HFM1: variants seen among roughly 807,000 people sequenced by gnomAD.
HFM1 encodes probable ATP-dependent DNA helicase HFM1.
HFM1 carries 169 observed loss-of-function variants against 192.1 expected under a neutral mutation model. The observed-to-expected ratio is 0.88, with a 90% CI of 0.78 to 1.00. The LOEUF (loss-of-function observed/expected upper bound fraction) is 1.00, where lower values mean the gene tolerates loss of function less well. Among genes scored for constraint, HFM1 ranks in the 50% least tolerant of loss-of-function variants. The probability of loss-of-function intolerance (pLI) is 0.00; values close to 1 mark genes in which losing one functional copy is unlikely to be tolerated. For missense variants in HFM1, 1,661 were observed against 1,668.0 expected (o/e 1.00, Z 0.07); for synonymous variants, 525 against 537.8 (o/e 0.98, Z 0.33).
intron 4 of HFM1, among the ~76,000 whole-genome samples, chr1:91,388,464 T>G (rs186721250): frequency 6.6e-6 from 1 of 152,206 alleles, no homozygotes; most frequent in East Asian, 1.9e-4. Flanking sequence ...TTATGGTCAG[T>G]TGATTTCCAA....
Position 91,396,323 on chromosome 1 carries a change from C to G in HFM1, c.154G>C (p.Glu52Gln). The G allele has an allele frequency of 1.3e-6, 2 of 1,589,714 alleles. No individual in the cohort carries two copies. The highest frequency in any genetic ancestry group is 4.5e-5 in the East Asian group (2 of 44,742). Reference sequence around the variant, plus strand: ...AGTTTATGACTTTCTAATTCTTCCTCTAACTCCTGAGTATCTGGAATTTCT... The same window carrying G: ...AGTTTATGACTTTCTAATTCTTCCTGTAACTCCTGAGTATCTGGAATTTCT... ...ISEIPDTQELEEELESHKLLG... is the reference protein window; with the variant it reads ...ISEIPDTQELQEELESHKLLG... Residue 52 changes from glutamate to glutamine, a missense_variant, in exon 3 of 39, where the codon GAG (glutamate) becomes CAG (glutamine). Transcript: ENST00000370425.
chr1:91,407,077 C>T (rs1315929228), upstream of HFM1, among the ~76,000 whole-genome samples: 1 of 152,076 alleles, frequency 6.6e-6, no homozygotes, highest in African/African-American at 2.4e-5. Context: ...GTGTATAATT[C>T]AGGGACATTA....
chr1:91,301,154 G>A (rs1353082552), intron 30 of HFM1, among the ~76,000 whole-genome samples: 1 of 151,874 alleles, frequency 6.6e-6, no homozygotes, highest in Admixed American at 6.6e-5. Context: ...GACAAACAGA[G>A]CCAAATCATG....
chr1:91,317,876 T>C (rs977063629), intron 25 of HFM1, among the ~76,000 whole-genome samples: 1 of 152,172 alleles, frequency 6.6e-6, no homozygotes. Context: ...CACTTTTATA[T>C]GATTTTTTTT....
At chr1:91,399,529 C>T (rs1165886418) in intron 2 of HFM1, among the ~76,000 whole-genome samples, 1 of 152,166 alleles carries the variant, frequency 6.6e-6, no homozygotes, top group African/African-American at 2.4e-5. Flanking sequence ...ACCATCTAAC[C>T]TCAACTTAGA....
At chr1:91,359,361 A>G (rs908137459) in intron 13 of HFM1, among the ~76,000 whole-genome samples, 1 of 152,194 alleles carries the variant, frequency 6.6e-6, no homozygotes, top group African/African-American at 2.4e-5. Context: ...AACCATGGTA[A>G]AACAGTACAG....
chr1:91,399,638 C>T (rs558791304), intron 2 of HFM1, among the ~76,000 whole-genome samples: 1 of 152,220 alleles, frequency 6.6e-6, no homozygotes, highest in Admixed American at 6.5e-5. Context: ...AATGTCCTAT[C>T]TCCATTCTTT....
chr1:91,336,779 C>A (rs959470643), intron 20 of HFM1, among the ~76,000 whole-genome samples: 10 of 152,166 alleles, frequency 6.6e-5, no homozygotes, highest in Admixed American at 5.9e-4. Flanking sequence ...GATACATGCA[C>A]ACGTATGTTC....
intron 20 of HFM1, chr1:91,328,501 C>A: frequency 6.2e-7 from 1 of 1,613,502 alleles, no homozygotes. Context: ...GAGCACTTAT[C>A]AGTTCCTGAT....
At chr1:91,296,578 A>C (rs559787781) in intron 30 of HFM1, among the ~76,000 whole-genome samples, 1 of 152,352 alleles carries the variant, frequency 6.6e-6, no homozygotes, top group East Asian at 1.9e-4. Flanking sequence ...AACCCTGCTG[A>C]AATTGGGATG....
chr1:91,350,532 C>T (rs1292460662), intron 18 of HFM1, among the ~76,000 whole-genome samples: 1 of 151,856 alleles, frequency 6.6e-6, no homozygotes, highest in Non-Finnish European at 1.5e-5. Context: ...GTGTTGATTT[C>T]AAACCTTGTT....
chr1:91,262,350 T>G lies in HFM1; in HGVS notation c.4129A>C (p.Ile1377Leu), dbSNP rs749654723. ...GAGAAAGTAAAGCATTGCTTCTCAA[T>G]CTCTGGTGACAGATTTTGTGGTTTT... Reference protein sequence around the residue: ...ERKPQNLSPEIEKQCFTFSEK... With the variant: ...ERKPQNLSPELEKQCFTFSEK... The change falls in exon 38 of 39, where the codon ATT becomes CTT. Residue 1377 changes from isoleucine to leucine, a missense_variant. Coordinates refer to ENST00000370425, the MANE Select transcript of HFM1 (RefSeq NM_001017975.6). 2 of 1,577,658 alleles carry G rather than the reference T, an allele frequency of 1.3e-6. No individual in the cohort carries two copies. The highest frequency in any genetic ancestry group is 1.7e-6 in the Non-Finnish European group (2 of 1,161,022).
chr1:91,329,020 G>C (rs1653375805), intron 20 of HFM1: 1 of 1,611,852 alleles, frequency 6.2e-7, no homozygotes. Context: ...GCTGGATTCT[G>C]CAGGAGCTAG....
chr1:91,385,751 A>G lies in HFM1; in HGVS notation c.578T>C (p.Ile193Thr), dbSNP rs757823691. 2.5e-6 allele frequency: 4 copies of G among 1,612,068 alleles called. No individual in the cohort carries two copies. In the East Asian group the frequency reaches 8.9e-5, roughly 36 times the overall value. ...ELDSHIGSVK[I>T]VQTEMNKGKS... ...CCCTTTGTTCATTTCTGTTTGTACA[A>G]TTTTCACTGAGCCAATGTGAGAGTC... is the stretch of plus-strand genomic sequence containing the variant. The change falls in exon 5 of 39, where the codon ATT (isoleucine) becomes ACT (threonine). Residue 193 changes from isoleucine (I) to threonine (T), a missense_variant. Ile to Thr is a moderately conservative substitution (Grantham distance 89). Transcript: ENST00000370425.
chr1:91,404,808 A>G lies in HFM1; in HGVS notation c.-38T>C, dbSNP rs752524171. On this transcript the variant is annotated 5_prime_UTR_variant, in exon 1 of 39. Coordinates refer to ENST00000370425, the MANE Select transcript of HFM1 (RefSeq NM_001017975.6). ...GGCCCCTCTCCTCACCTCCCTGCGG[A>G]CAGCTCCTAGGCCAGTCGAGCGCCG... 147 of 453,298 alleles carry G rather than the reference A, an allele frequency of 3.2e-4. No individual in the cohort carries two copies. The highest frequency in any genetic ancestry group is 5.9e-4 in the Non-Finnish European group (134 of 225,722). The allele number at this position is 453,298 out of a possible 1,614,324, so 28.1% of individuals were successfully genotyped here.
intron 13 of HFM1, among the ~76,000 whole-genome samples, chr1:91,359,265 G>A (rs1006484563): frequency 2.6e-5 from 4 of 152,102 alleles, no homozygotes; most frequent in South Asian, 2.1e-4. Context: ...TGGCTGAATC[G>A]ACAGAAGTAG....
At position 91,328,916 on chromosome 1, in the gene HFM1, G is replaced by A; in HGVS notation, c.2336-4150C>T. The A allele has an allele frequency of 3.1e-6, 5 of 1,611,278 alleles. No homozygotes were observed. In the Admixed American group the frequency reaches 5.0e-5, roughly 16 times the overall value. Reference sequence around the variant, plus strand: ...CAAAGTCTATCCTGTGGCTACCGAGGACATGGACTGCTTCACCTTCGGCAG... The same window carrying A: ...CAAAGTCTATCCTGTGGCTACCGAGAACATGGACTGCTTCACCTTCGGCAG... On this transcript the variant is annotated intron_variant, in intron 20 of 38. Transcript: ENST00000370425.
intron 18 of HFM1, among the ~76,000 whole-genome samples, chr1:91,347,740 T>C (rs1474059531): frequency 2.6e-5 from 4 of 152,218 alleles, no homozygotes; most frequent in African/African-American, 9.6e-5. Context: ...TAATGAACTT[T>C]CATTATAACA....
intron 30 of HFM1, among the ~76,000 whole-genome samples, chr1:91,304,923 A>G (rs1201123590): frequency 6.6e-6 from 1 of 152,140 alleles, no homozygotes; most frequent in Non-Finnish European, 1.5e-5. Flanking sequence ...AATTATTTTC[A>G]AATTCTTTTA....
Sources: gnomAD v4.1 joint callset for allele counts (sites outside exome capture counted in the v4.1 genomes callset) on GRCh38, gnomAD v4.1.1 for gene constraint, MANE v1.5 for transcripts, NCBI Gene and HGNC (gene_info 2026-07-23, HGNC 2026-07-21) for gene names.